Variants in VAV3 observed in about 807,000 individuals in gnomAD.
VAV3 encodes the protein guanine nucleotide exchange factor VAV3.
Under a neutral mutation model 131.2 loss-of-function variants are expected in VAV3, and 94 were observed. That is an observed-to-expected ratio of 0.72 (90% confidence interval 0.61 to 0.85). VAV3 has a LOEUF of 0.85. Ranked by LOEUF, VAV3 falls within the 40% of genes least tolerant of loss-of-function variation. The pLI, the probability that VAV3 is intolerant of heterozygous loss-of-function variation, is 0.00. For synonymous variants in VAV3, 349 were observed against 342.0 expected (o/e 1.02, Z -0.22); for missense variants, 939 against 1,002.7 (o/e 0.94, Z 0.86).
At position 107,785,717 on chromosome 1, in the gene VAV3, A is replaced by C. The variant is rs531927220; in HGVS notation, c.322-6225T>G. 12 of 989,124 alleles carry C rather than the reference A, an allele frequency of 1.2e-5. 1 individual carries two copies. In the South Asian group the frequency reaches 3.4e-4, roughly 28 times the overall value. The allele number at this position is 989,124 out of a possible 1,614,324, so 61.3% of individuals were successfully genotyped here. A position where few individuals can be genotyped will look rare whatever the true frequency, so the allele number is the denominator to read the frequency against. ...TGTGGGCATGAGTGCTGGGTGGAGA[A>C]ATTCAGACAGAAGCATAGTCTGTAG... On this transcript the variant is annotated intron_variant, in intron 2 of 26. Coordinates refer to ENST00000370056, the MANE Select transcript of VAV3 (RefSeq NM_006113.5).
At chr1:107,835,640 C>A (rs999490753) in intron 2 of VAV3, among the ~76,000 whole-genome samples, 5 of 152,312 alleles carry the variant, frequency 3.3e-5, no homozygotes, top group African/African-American at 1.2e-4. Context: ...CAGGTAGGGA[C>A]AGATTCTACA....
At chr1:107,586,126 C>G (rs1290709079) in intron 25 of VAV3, among the ~76,000 whole-genome samples, 3 of 134,604 alleles carry the variant, frequency 2.2e-5, no homozygotes, top group African/African-American at 8.1e-5. Flanking sequence ...ATGAGTACCA[C>G]TCCCTTGGCA....
chr1:107,661,629 G>T (rs1442372761), intron 19 of VAV3, among the ~76,000 whole-genome samples: 1 of 152,072 alleles, frequency 6.6e-6, no homozygotes, highest in Non-Finnish European at 1.5e-5. Context: ...CTCAATAAAA[G>T]TTTGTTAAAT....
intron 17 of VAV3, among the ~76,000 whole-genome samples, chr1:107,700,041 AATTAAAT>A (rs1660001711): frequency 6.6e-6 from 1 of 152,210 alleles, no homozygotes; most frequent in Non-Finnish European, 1.5e-5. Context: ...ATGTCACTAC[AATTAAAT>A]TATAAGTGCA....
At chr1:107,631,816 T>C (rs1654514249) in intron 20 of VAV3, among the ~76,000 whole-genome samples, 1 of 152,156 alleles carries the variant, frequency 6.6e-6, no homozygotes, top group Non-Finnish European at 1.5e-5. Flanking sequence ...CTCATCATTT[T>C]TTATGGCTGC....
At chr1:107,750,202 GC>G (rs1663624644) in intron 13 of VAV3, among the ~76,000 whole-genome samples, 1 of 152,102 alleles carries the variant, frequency 6.6e-6, no homozygotes, top group South Asian at 2.1e-4. Flanking sequence ...TGGAAACTGT[GC>G]TTTTACCCTC....
At chr1:107,951,691 T>C (rs1301023751) in intron 1 of VAV3, among the ~76,000 whole-genome samples, 1 of 151,800 alleles carries the variant, frequency 6.6e-6, no homozygotes, top group Non-Finnish European at 1.5e-5. Flanking sequence ...AAAGAAGACA[T>C]ACATGCAGTC....
intron 19 of VAV3, among the ~76,000 whole-genome samples, chr1:107,656,899 CACACA>C (rs1656604581): frequency 6.7e-6 from 1 of 150,340 alleles, no homozygotes; most frequent in African/African-American, 2.4e-5. Context: ...TATACAACAA[CACACA>C]ACACATTTAC....
intron 1 of VAV3, among the ~76,000 whole-genome samples, chr1:107,888,858 T>C (rs954998192): frequency 6.6e-5 from 10 of 152,144 alleles, no homozygotes; most frequent in South Asian, 2.1e-4. Flanking sequence ...TTCTACCTAA[T>C]TGATATTCTT....
intron 2 of VAV3, among the ~76,000 whole-genome samples, chr1:107,865,125 C>T (rs60517967): frequency 1.6e-3 from 249 of 152,286 alleles, no homozygotes; most frequent in African/African-American, 5.5e-3. Context: ...GAGCAACTTT[C>T]CTGCACACAG....
intron 1 of VAV3, 114 bp downstream of exon 1, chr1:107,964,552 G>A (rs55895734): frequency 0.017 from 20,776 of 1,209,914 alleles, 723 homozygotes; most frequent in African/African-American, 0.13. Context: ...GCAGAAGGCT[G>A]GGAAGCAGGG....
intron 9 of VAV3, among the ~76,000 whole-genome samples, chr1:107,762,638 TC>T (rs1002494092): frequency 1.3e-5 from 2 of 152,154 alleles, no homozygotes; most frequent in African/African-American, 4.8e-5. Flanking sequence ...TGTTATGCCA[TC>T]CCAACACAGT....
chr1:107,857,201 G>A lies in VAV3; in HGVS notation c.321+17700C>T, dbSNP rs115989370. Among the ~76,000 whole-genome samples, 727 of 152,250 alleles carry A rather than the reference G, an allele frequency of 4.8e-3. 10 individuals are homozygous for A. The highest frequency in any genetic ancestry group is 0.016 in the African/African-American group (665 of 41,546). ...AACTAATCAGCTGCCAGCATGGCCA[G>A]GATATAAAGCAGGCAGAAAAACACG... On this transcript the variant is annotated intron_variant, in intron 2 of 26. Coordinates refer to ENST00000370056, the MANE Select transcript of VAV3 (RefSeq NM_006113.5).
At chr1:107,607,243 C>A (rs145958740) in intron 22 of VAV3, among the ~76,000 whole-genome samples, 75 of 152,258 alleles carry the variant, frequency 4.9e-4, no homozygotes, top group African/African-American at 1.6e-3. Flanking sequence ...CGAGTCAACA[C>A]GCCCAGCTGA....
At chr1:107,917,114 A>C (rs922712758) in intron 1 of VAV3, among the ~76,000 whole-genome samples, 1 of 152,154 alleles carries the variant, frequency 6.6e-6, no homozygotes, top group African/African-American at 2.4e-5. Context: ...GTTTCTGAAG[A>C]GAAGGAAATA....
chr1:107,926,268 G>A (rs1296571735), intron 1 of VAV3, among the ~76,000 whole-genome samples: 3 of 152,052 alleles, frequency 2.0e-5, no homozygotes, highest in Non-Finnish European at 4.4e-5. Flanking sequence ...GTGGCAGAAC[G>A]AGACTTGGGT....
chr1:107,851,799 C>CTCTTTTGAGCATTTTTCTAAGTGGGTA (rs1669245313), intron 2 of VAV3, among the ~76,000 whole-genome samples: 1 of 152,074 alleles, frequency 6.6e-6, no homozygotes, highest in Non-Finnish European at 1.5e-5. Context: ...ATGAATCTAC[C>CTCTTTTGAGCATTTTTCTAAGTGGGTA]CACTTAGAAA....
chr1:107,688,416 A>G lies in VAV3; in HGVS notation c.1706-10T>C, dbSNP rs756290959. On this transcript the variant is annotated splice_polypyrimidine_tract_variant and intron_variant, in intron 17 of 26. Coordinates refer to ENST00000370056, the MANE Select transcript of VAV3 (RefSeq NM_006113.5). ...TTGAGTGTCCCTTGTTCTGAAAGAA[A>G]TGTAAAAATTGGCATTGTCAGTGTA... 1.2e-6 allele frequency: 2 copies of G among 1,613,528 alleles called. No individual in the cohort carries two copies. The highest frequency in any genetic ancestry group is 1.1e-5 in the South Asian group (1 of 91,028).
intron 1 of VAV3, among the ~76,000 whole-genome samples, chr1:107,880,655 C>T (rs147480068): frequency 1.3e-5 from 2 of 151,924 alleles, no homozygotes; most frequent in South Asian, 2.1e-4. Flanking sequence ...GATTAGCTGG[C>T]TGTGGTGGCA....
Sources: gnomAD v4.1 joint callset for allele counts (sites outside exome capture counted in the v4.1 genomes callset) on GRCh38, gnomAD v4.1.1 for gene constraint, MANE v1.5 for transcripts, NCBI Gene and HGNC (gene_info 2026-07-23, HGNC 2026-07-21) for gene names.